The following DPP6 variants were observed in gnomAD, a reference collection of about 807,000 sequenced individuals.
DPP6 encodes A-type potassium channel modulatory protein DPP6.
Under a neutral mutation model 122.6 loss-of-function variants are expected in DPP6, and 69 were observed. The observed-to-expected ratio is 0.56, with a 90% CI of 0.46 to 0.69. DPP6 has a LOEUF of 0.69. Among genes scored for constraint, DPP6 ranks in the 30% least tolerant of loss-of-function variants. The pLI is 0.00. For synonymous variants in DPP6, 418 were observed against 433.1 expected, an observed-to-expected ratio of 0.97 and a Z score of 0.43; for missense variants, 928 against 1,116.9, an observed-to-expected ratio of 0.83 and a Z score of 2.41.
At chr7:153,915,637 G>T (rs982556594) in intron 1 of DPP6, among the ~76,000 whole-genome samples, 1 of 152,304 alleles carries the variant, frequency 6.6e-6, no homozygotes, top group African/African-American at 2.4e-5. Context: ...AACAAACCAA[G>T]GGTAGCAGTG....
intron 9 of DPP6, among the ~76,000 whole-genome samples, chr7:154,771,088 G>C (rs1466939006): frequency 6.6e-6 from 1 of 152,240 alleles, no homozygotes; most frequent in East Asian, 1.9e-4. Context: ...AAAGCTGATG[G>C]TATGTGCCTG....
intron 4 of DPP6, among the ~76,000 whole-genome samples, chr7:154,562,837 A>G (rs1411726134): frequency 6.6e-6 from 1 of 152,212 alleles, no homozygotes; most frequent in Non-Finnish European, 1.5e-5. Context: ...TTTTATATGT[A>G]CAAAGCATCA....
intron 1 of DPP6, among the ~76,000 whole-genome samples, chr7:153,977,704 C>T (rs1161381529): frequency 2.0e-5 from 3 of 152,120 alleles, no homozygotes; most frequent in African/African-American, 7.2e-5. Flanking sequence ...CTATCCCTCC[C>T]CTTGTCCCCC....
chr7:154,433,059 G>A (rs1818557201), intron 1 of DPP6, among the ~76,000 whole-genome samples: 1 of 151,306 alleles, frequency 6.6e-6, no homozygotes, highest in Non-Finnish European at 1.5e-5. Flanking sequence ...AGTTGCAAGG[G>A]GCTTTACCAA....
chr7:154,113,432 TACAC>T (rs1272080505), intron 1 of DPP6, among the ~76,000 whole-genome samples: 6 of 149,208 alleles, frequency 4.0e-5, no homozygotes, highest in African/African-American at 7.6e-5. Flanking sequence ...CACACACACA[TACAC>T]ACAACACACA....
chr7:154,063,122 G>A (rs1286381218), intron 1 of DPP6, among the ~76,000 whole-genome samples: 2 of 131,610 alleles, frequency 1.5e-5, no homozygotes, highest in African/African-American at 5.5e-5. Flanking sequence ...CGCAGGGGGG[G>A]AGGCACCCCC....
chr7:154,628,503 G>GA (rs917100997), intron 5 of DPP6, among the ~76,000 whole-genome samples: 3 of 152,082 alleles, frequency 2.0e-5, no homozygotes, highest in South Asian at 2.1e-4. Flanking sequence ...CTCACCACTA[G>GA]AAAAAAGTGA....
chr7:154,714,195 A>G (rs528377183), intron 7 of DPP6, among the ~76,000 whole-genome samples: 26 of 152,320 alleles, frequency 1.7e-4, no homozygotes, highest in African/African-American at 5.8e-4. Context: ...ACTTTCCCAC[A>G]TCTTCCTGTC....
chr7:153,794,759 G>A, the DPP6 span, among the ~76,000 whole-genome samples: 15 of 152,308 alleles, frequency 9.8e-5, no homozygotes, highest in Admixed American at 5.9e-4. Flanking sequence ...TGTTGTAGGA[G>A]GGACCCAGGA....
At chr7:153,776,297 G>A in the DPP6 span, among the ~76,000 whole-genome samples, 5 of 152,138 alleles carry the variant, frequency 3.3e-5, no homozygotes, top group African/African-American at 7.2e-5. Context: ...GAGGGACCTC[G>A]TGGGAGGTAA....
chr7:154,032,886 G>A (rs1363822184), intron 1 of DPP6, among the ~76,000 whole-genome samples: 1 of 133,668 alleles, frequency 7.5e-6, no homozygotes, highest in African/African-American at 2.9e-5. Flanking sequence ...TGTTGTGTGG[G>A]GCAATTCAGC....
At chr7:154,053,736 C>T (rs964718609) in intron 1 of DPP6, among the ~76,000 whole-genome samples, 3 of 152,106 alleles carry the variant, frequency 2.0e-5, no homozygotes, top group Non-Finnish European at 4.4e-5. Context: ...GTCTCCCCTC[C>T]CAGCCCTGGA....
intron 5 of DPP6, among the ~76,000 whole-genome samples, chr7:154,569,817 A>G (rs1563869765): frequency 6.6e-6 from 1 of 151,806 alleles, no homozygotes. Context: ...TTGCCTGCCC[A>G]AAGATACTGG....
intron 8 of DPP6, among the ~76,000 whole-genome samples, chr7:154,757,976 C>T (rs1795247100): frequency 6.6e-6 from 1 of 152,042 alleles, no homozygotes; most frequent in South Asian, 2.1e-4. Context: ...CTCCCCCCCG[C>T]CCTCTCCCCG....
intron 5 of DPP6, chr7:154,588,079 G>T (rs773598428): frequency 6.2e-7 from 1 of 1,603,566 alleles, no homozygotes. Context: ...GAGAGCAACC[G>T]AGTGAGCCTT....
In DPP6 at chr7:154,321,627, C is replaced by CA. The variant is rs557091732; in HGVS notation, c.244-124579dup. The stretch of plus-strand genomic sequence containing the variant: ...TGAAACCCCGTCTCTACTAAAAATA[C>CA]AAAAAAAATTAGCCGGGCATAGTGG... On this transcript the variant is annotated intron_variant, in intron 1 of 25. Coordinates refer to ENST00000377770, the MANE Select transcript of DPP6 (RefSeq NM_130797.4). Among the ~76,000 whole-genome samples the CA allele has an allele frequency of 2.0e-4, 30 of 151,048 alleles. 1 individual carries two copies. Among genetic ancestry groups the CA allele is most frequent in the South Asian group, 1.9e-3 (9 of 4,766 alleles).
intron 7 of DPP6, among the ~76,000 whole-genome samples, chr7:154,721,732 C>A (rs1841820898): frequency 6.6e-6 from 1 of 151,286 alleles, no homozygotes; most frequent in African/African-American, 2.4e-5. Context: ...CCTGTTCTAA[C>A]CCCTTCAGAG....
chr7:154,012,327 A>T (rs1381604657), intron 1 of DPP6, among the ~76,000 whole-genome samples: 1 of 152,254 alleles, frequency 6.6e-6, no homozygotes, highest in Admixed American at 6.5e-5. Flanking sequence ...TCTAATATAT[A>T]ATAGAACCAG....
intron 1 of DPP6, among the ~76,000 whole-genome samples, chr7:154,378,724 G>A (rs978217500): frequency 4.6e-5 from 7 of 152,192 alleles, no homozygotes; most frequent in Non-Finnish European, 1.0e-4. Flanking sequence ...CCTGAGACTG[G>A]ATAATTTTTG....
Sources: allele counts gnomAD v4.1 joint callset (sites outside exome capture counted in the v4.1 genomes callset), GRCh38; gene constraint gnomAD v4.1.1; transcripts MANE v1.5; gene names NCBI Gene and HGNC (gene_info 2026-07-23, HGNC 2026-07-21).